GPR4: variants seen among roughly 807,000 people sequenced by gnomAD.
GPR4 encodes G protein-coupled receptor 4, also known as G-prodeshotein coupled receptor 4.
In GPR4, 11 loss-of-function variants were observed where a neutral mutation model predicts 17.8. That is an observed-to-expected ratio of 0.62 (90% CI 0.39 to 1.02). GPR4 has a LOEUF of 1.02. Ranked by LOEUF, GPR4 falls within the 50% of genes least tolerant of loss-of-function variation. GPR4 has a pLI of 0.00. For missense variants in GPR4, 364 were observed against 495.4 expected (o/e 0.73, Z 2.52); for synonymous variants, 219 against 222.8 (o/e 0.98, Z 0.15).
chr19:45,598,869 T>C (rs998917027), intron 1 of GPR4, among the ~76,000 whole-genome samples: 64 of 152,148 alleles, frequency 4.2e-4, no homozygotes, highest in African/African-American at 1.5e-3. Context: ...ACTTCTGTAA[T>C]TTTTCTCAAG....
chr19:45,597,879 C>T lies in GPR4; in HGVS notation c.-832+4216G>A, dbSNP rs529373532. 1.4e-4 allele frequency among the ~76,000 whole-genome samples: 22 copies of T among 152,162 alleles called. 1 individual carries two copies. In the South Asian group the frequency reaches 4.6e-3, roughly 32 times the overall value. On this transcript the variant is annotated intron_variant, in intron 1 of 1. Coordinates refer to ENST00000323040, the MANE Select transcript of GPR4 (RefSeq NM_005282.3). Reference sequence around the variant, plus strand: ...CAGGGCTGAGTCGTGCTCAGTAAGTCCTGCCCCCTGTGGGGTCCTCAGCGG... The same window carrying T: ...CAGGGCTGAGTCGTGCTCAGTAAGTTCTGCCCCCTGTGGGGTCCTCAGCGG...
intron 1 of GPR4, among the ~76,000 whole-genome samples, chr19:45,593,160 G>A (rs996787834): frequency 4.1e-5 from 6 of 145,636 alleles, no homozygotes; most frequent in African/African-American, 1.0e-4. Flanking sequence ...ATCACACCAC[G>A]GCACTCCAGC....
chr19:45,598,663 A>G (rs1014249956), intron 1 of GPR4, among the ~76,000 whole-genome samples: 3 of 152,146 alleles, frequency 2.0e-5, no homozygotes, highest in Admixed American at 6.5e-5. Flanking sequence ...AGAACGCCAC[A>G]GTGCAGCCGA....
chr19:45,591,360 A>G lies in GPR4; in HGVS notation c.507T>C (p.Phe169=). The change falls in exon 2 of 2, where the codon TTT becomes TTC. Residue 169 remains phenylalanine (F), a synonymous_variant. Transcript: ENST00000323040. This position sits in a 1 kb window ranked among gnomAD's most constrained non-coding sequence, Gnocchi z 7.6. ...FRDRYNHTFC[F]EKFPMEGWVA... is the part of the protein sequence containing the mutation. ...CCCAGCCTTCCATGGGGAACTTCTC[A>G]AAGCAGAAGGTGTGGTTGTAGCGGT... 1 of 1,613,028 alleles carries G rather than the reference A, an allele frequency of 6.2e-7. No individual in the cohort carries two copies. The highest frequency in any genetic ancestry group is 8.5e-7 in the Non-Finnish European group (1 of 1,179,574).
intron 1 of GPR4, among the ~76,000 whole-genome samples, chr19:45,596,024 C>T (rs1022919489): frequency 1.3e-5 from 2 of 152,132 alleles, no homozygotes; most frequent in African/African-American, 4.8e-5. Context: ...CTCCCCAGTG[C>T]TTCCTGAATC....
At chr19:45,596,648 C>T (rs955255944) in intron 1 of GPR4, among the ~76,000 whole-genome samples, 2 of 152,106 alleles carry the variant, frequency 1.3e-5, no homozygotes, top group African/African-American at 4.8e-5. Flanking sequence ...GGGCTCAAGC[C>T]ATCCTCCCAC....
intron 1 of GPR4, among the ~76,000 whole-genome samples, chr19:45,597,564 GA>G (rs1970070181): frequency 6.6e-6 from 1 of 152,166 alleles, no homozygotes; most frequent in African/African-American, 2.4e-5. Flanking sequence ...CAGCATCCAG[GA>G]CAGGCCCAGC....
At chr19:45,593,697 A>G (rs750876687) in intron 1 of GPR4, among the ~76,000 whole-genome samples, 44 of 151,824 alleles carry the variant, frequency 2.9e-4, no homozygotes, top group Non-Finnish European at 5.7e-4. Flanking sequence ...AGGGGCCCAG[A>G]GAGGCTGAGT....
intron 1 of GPR4, among the ~76,000 whole-genome samples, chr19:45,594,873 C>T (rs1288097796): frequency 6.6e-6 from 1 of 151,854 alleles, no homozygotes; most frequent in Non-Finnish European, 1.5e-5. Flanking sequence ...ATCCCAGCTA[C>T]TCGGGATGCT....
At chr19:45,594,980 T>C (rs985576010) in intron 1 of GPR4, among the ~76,000 whole-genome samples, 3 of 136,482 alleles carry the variant, frequency 2.2e-5, no homozygotes, top group African/African-American at 8.3e-5. Flanking sequence ...AGGAACTCCA[T>C]CTCAAAAAAA....
chr19:45,599,176 G>C (rs1169464005), intron 1 of GPR4, among the ~76,000 whole-genome samples: 1 of 152,094 alleles, frequency 6.6e-6, no homozygotes, highest in African/African-American at 2.4e-5. Context: ...ATGGAGAGAT[G>C]GTGGGGGGAC....
chr19:45,600,296 A>T (rs149260774), intron 1 of GPR4, among the ~76,000 whole-genome samples: 1 of 152,140 alleles, frequency 6.6e-6, no homozygotes, highest in African/African-American at 2.4e-5. Flanking sequence ...CACAAACCAA[A>T]TTATAGGCCC....
chr19:45,593,578 C>T (rs550229099), intron 1 of GPR4, among the ~76,000 whole-genome samples: 1 of 151,264 alleles, frequency 6.6e-6, no homozygotes, highest in South Asian at 2.1e-4. Context: ...TGACCCAACT[C>T]AGATTTTAGC....
chr19:45,598,804 T>C (rs1970083832), intron 1 of GPR4, among the ~76,000 whole-genome samples: 1 of 152,220 alleles, frequency 6.6e-6, no homozygotes, highest in Non-Finnish European at 1.5e-5. Context: ...AAACCTCCTG[T>C]CGCTGTTAAC....
intron 1 of GPR4, among the ~76,000 whole-genome samples, chr19:45,597,929 C>T (rs1306169909): frequency 6.6e-6 from 1 of 152,208 alleles, no homozygotes; most frequent in Non-Finnish European, 1.5e-5. Context: ...CCACCCCAGA[C>T]TCTTGGGCAG....
chr19:45,596,815 G>A (rs1048466666), intron 1 of GPR4, among the ~76,000 whole-genome samples: 6 of 152,156 alleles, frequency 3.9e-5, no homozygotes, highest in African/African-American at 1.4e-4. Flanking sequence ...AAAGTGCTGG[G>A]ATTACAGGCA....
intron 1 of GPR4, among the ~76,000 whole-genome samples, chr19:45,594,094 A>ATATTTT (rs1970032285): frequency 8.9e-6 from 1 of 112,918 alleles, no homozygotes; most frequent in Non-Finnish European, 1.7e-5. Context: ...ATATATATAT[A>ATATTTT]AAATAGATGC....
intron 1 of GPR4, among the ~76,000 whole-genome samples, chr19:45,598,471 C>T (rs767537183): frequency 1.3e-5 from 2 of 152,024 alleles, no homozygotes; most frequent in Non-Finnish European, 2.9e-5. Context: ...TGCTAATTTC[C>T]TCAAGGGGGA....
In GPR4 at chr19:45,590,981, C is replaced by T. The variant is rs1247061369; in HGVS notation, c.886G>A (p.Asp296Asn). ...AGGTTGTGCAGGGCCTTGGCCACAT[C>T]GCTGCGGGCGCCCTCGTTGACCAGG... ...YCLVNEGARS[D>N]VAKALHNLLR... The change falls in exon 2 of 2, where the codon GAT (aspartate) becomes AAT (asparagine). Residue 296 changes from aspartate (D) to asparagine (N), a missense_variant. Asp to Asn is a conservative substitution (Grantham distance 23). This residue lies in a region of GPR4 where 92 missense variants were observed against 106.0 expected (regional missense o/e 0.87). Coordinates refer to ENST00000323040, the MANE Select transcript of GPR4 (RefSeq NM_005282.3). 5.0e-6 allele frequency: 8 copies of T among 1,613,824 alleles called. No individual in the cohort carries two copies. The East Asian group carries it at 1.6e-4, about 31-fold the overall frequency.
Sources: gnomAD v4.1 joint callset for allele counts (sites outside exome capture counted in the v4.1 genomes callset) on GRCh38, gnomAD v4.1.1 for gene constraint, gnomAD v4.1.1 regional missense constraint, Gnocchi (gnomAD v3.1) non-coding constraint, MANE v1.5 for transcripts, NCBI Gene and HGNC (gene_info 2026-07-23, HGNC 2026-07-21) for gene names.